The following CMIP variants were observed in gnomAD, a reference collection of about 807,000 sequenced individuals.
CMIP encodes c-Maf inducing protein, also known as C-Maf-inducing protein.
A neutral mutation model predicts 97.3 loss-of-function variants in CMIP; 13 were observed. The observed-to-expected ratio is 0.13, with a 90% CI of 0.09 to 0.21. The LOEUF (loss-of-function observed/expected upper bound fraction) is 0.21. CMIP is among the 10% of genes least tolerant of loss of function. The pLI is 1.00. For missense variants in CMIP, 847 were observed against 1,024.9 expected, an observed-to-expected ratio of 0.83 and a Z score of 2.37; for synonymous variants, 538 against 436.3, an observed-to-expected ratio of 1.23 and a Z score of -2.91.
Position 81,693,361 on chromosome 16 carries a change from C to T in CMIP, c.1482-78C>T, listed in dbSNP as rs1367574935. The T allele has an allele frequency of 2.6e-6, 4 of 1,557,386 alleles. No homozygotes were observed. In the African/African-American group the frequency reaches 4.1e-5, roughly 16 times the overall value. ...AGCTCCCTGGCCCGTTCTTCCTTGA[C>T]ACCATCCCCTCCCCTTCCCACACCT... On this transcript the variant is annotated intron_variant, in intron 12 of 20. Transcript: ENST00000537098.
chr16:81,671,946 A>G lies in CMIP; in HGVS notation c.930-20A>G. ...CCCACTCCTGCAGGCTTCTCACCCC[A>G]GCCCTCTGCTTTTTTCCAGCATGCA... On this transcript the variant is annotated intron_variant, in intron 8 of 20. Transcript: ENST00000537098. 7.0e-7 allele frequency: 1 copy of G among 1,432,148 alleles called. No individual in the cohort carries two copies. The allele number at this position is 1,432,148 out of a possible 1,614,324, so 88.7% of individuals were successfully genotyped here. A position where few individuals can be genotyped will look rare whatever the true frequency, so the allele number is the denominator to read the frequency against.
At chr16:81,543,681 A>C (rs768218350) in intron 1 of CMIP, among the ~76,000 whole-genome samples, 1 of 152,222 alleles carries the variant, frequency 6.6e-6, no homozygotes, top group Non-Finnish European at 1.5e-5. Flanking sequence ...ACAAGCTACT[A>C]TCTTAGAACA....
chr16:81,544,240 A>T (rs149061617), intron 1 of CMIP, among the ~76,000 whole-genome samples: 1 of 152,354 alleles, frequency 6.6e-6, no homozygotes, highest in African/African-American at 2.4e-5. Context: ...TCCCTTTTCA[A>T]TGTGGGTGCT....
intron 14 of CMIP, among the ~76,000 whole-genome samples, chr16:81,698,650 C>G (rs1239127536): frequency 1.3e-5 from 2 of 152,196 alleles, no homozygotes; most frequent in African/African-American, 4.8e-5. Context: ...TGTAAGCACA[C>G]CGTTCAGTCA....
Position 81,693,164 on chromosome 16 carries a change from C to T in CMIP, c.1461C>T (p.Leu487=), listed in dbSNP as rs368168220. The change falls in exon 12 of 21, where the codon CTC becomes CTT. Residue 487 remains leucine (L), a synonymous_variant. Coordinates refer to ENST00000537098, the MANE Select transcript of CMIP (RefSeq NM_198390.3). ...LQPIPFPKEA[L]AHEKFTKELK... is the part of the protein sequence containing the mutation. The stretch of plus-strand genomic sequence containing the variant: ...TCCCCTGTTTTTGTTGCAGAGCTCT[C>T]GCACATGAGAAGTTCACCAAGTGAG... 30 of 1,612,798 alleles carry T rather than the reference C, an allele frequency of 1.9e-5. No homozygotes were observed. The African/African-American group carries it at 2.9e-4, about 16-fold the overall frequency.
At position 81,701,757 on chromosome 16, in the gene CMIP, T is replaced by C; in HGVS notation, c.1853T>C (p.Met618Thr). 1 of 1,613,808 alleles carries C rather than the reference T, an allele frequency of 6.2e-7. No homozygotes were observed. ...GAGAGCACAGACGTGGGGAAGCGCATGTACGAGCAGCTGTGTGACCGGCAG... is the reference window on the plus strand; with the variant it reads ...GAGAGCACAGACGTGGGGAAGCGCACGTACGAGCAGCTGTGTGACCGGCAG... ...TLESTDVGKR[M>T]YEQLCDRQRE... Residue 618 changes from methionine (M) to threonine (T), a missense_variant, in exon 16 of 21, where the codon ATG becomes ACG. Physicochemically the swap from Met to Thr is moderately conservative, Grantham distance 81. Coordinates refer to ENST00000537098, the MANE Select transcript of CMIP (RefSeq NM_198390.3).
At chr16:81,492,122 A>G (rs2926004) in intron 1 of CMIP, among the ~76,000 whole-genome samples, 62,855 of 152,012 alleles carry the variant, frequency 0.41, 13,124 homozygotes, top group East Asian at 0.49. Context: ...AAAAATTCCC[A>G]GGAGGGAGAT....
chr16:81,474,324 T>C lies in CMIP; in HGVS notation c.300+28783T>C, dbSNP rs149476454. Among the ~76,000 whole-genome samples, 200 of 152,154 alleles carry C rather than the reference T, an allele frequency of 1.3e-3. 1 individual carries two copies. Among genetic ancestry groups the C allele is most frequent in the African/African-American group, 4.7e-3 (193 of 41,486 alleles). On this transcript the variant is annotated intron_variant, in intron 1 of 20. Coordinates refer to ENST00000537098, the MANE Select transcript of CMIP (RefSeq NM_198390.3). ...TCTCTCCCTACTGTCTCCATTCTTC[T>C]CTTTCCCCCTTCTTTCTCCTGCACC... is the stretch of plus-strand genomic sequence containing the variant.
At chr16:81,643,664 C>T (rs1419586703) in intron 3 of CMIP, among the ~76,000 whole-genome samples, 2 of 152,008 alleles carry the variant, frequency 1.3e-5, no homozygotes, top group African/African-American at 2.4e-5. Context: ...TGGTGGTGGG[C>T]GCCTATAATC....
chr16:81,474,669 G>A (rs1427385380), intron 1 of CMIP, among the ~76,000 whole-genome samples: 1 of 152,208 alleles, frequency 6.6e-6, no homozygotes, highest in Admixed American at 6.5e-5. Flanking sequence ...GGAAGTGGAG[G>A]AACCACTGTC....
At position 81,711,021 on chromosome 16, in the gene CMIP, A is replaced by AC. The variant is rs1908711292; in HGVS notation, c.*1227dup. ...CCAGTCCGACTGCCCTCCCCACCCCACCCCCGCCACCCCCCACATGTGACC... is the reference window on the plus strand; with the variant it reads ...CCAGTCCGACTGCCCTCCCCACCCCACCCCCCGCCACCCCCCACATGTGACC... On this transcript the variant is annotated 3_prime_UTR_variant, in exon 21 of 21. Transcript: ENST00000537098. 4.4e-4 allele frequency: 35 copies of AC among 79,934 alleles called. No homozygotes were observed. Among genetic ancestry groups the AC allele is most frequent in the South Asian group, 1.5e-3 (3 of 2,046 alleles). 5.0% of individuals were successfully genotyped at this position (79,934 alleles called of 1,614,324 possible). A position where few individuals can be genotyped will look rare whatever the true frequency, so the allele number is the denominator to read the frequency against.
chr16:81,451,057 A>G (rs1906177861), intron 1 of CMIP, among the ~76,000 whole-genome samples: 1 of 152,178 alleles, frequency 6.6e-6, no homozygotes, highest in Admixed American at 6.5e-5. Context: ...ACAGTAATGT[A>G]GGTAGACCCT....
chr16:81,539,354 C>T (rs2090405703), intron 1 of CMIP, among the ~76,000 whole-genome samples: 1 of 151,530 alleles, frequency 6.6e-6, no homozygotes, highest in Admixed American at 6.6e-5. Flanking sequence ...GGCAGCTGCA[C>T]AATGTCTGGC....
intron 1 of CMIP, among the ~76,000 whole-genome samples, chr16:81,513,103 C>G (rs1186984517): frequency 6.6e-6 from 1 of 152,190 alleles, no homozygotes; most frequent in African/African-American, 2.4e-5. Context: ...CCATTTTTGG[C>G]TGGTGGGAGC....
chr16:81,457,639 G>A (rs1906637263), intron 1 of CMIP, among the ~76,000 whole-genome samples: 1 of 152,226 alleles, frequency 6.6e-6, no homozygotes, highest in Admixed American at 6.5e-5. Flanking sequence ...GAGAACTGCT[G>A]TGTTCATTCA....
chr16:81,709,724 G>T (rs778978601), intron 20 of CMIP, 22 bp from the exon 21 acceptor site: 1 of 1,613,700 alleles, frequency 6.2e-7, no homozygotes, highest in Non-Finnish European at 8.5e-7. Flanking sequence ...CACGTGACAA[G>T]GACTCTTATT....
At chr16:81,524,334 G>T (rs58915321) in intron 1 of CMIP, among the ~76,000 whole-genome samples, 2 of 152,178 alleles carry the variant, frequency 1.3e-5, no homozygotes, top group South Asian at 4.1e-4. Context: ...GAGCTTAGAG[G>T]GGCAGAGACT....
chr16:81,670,620 T>TTG (rs2092673860), intron 8 of CMIP, among the ~76,000 whole-genome samples: 2 of 98,350 alleles, frequency 2.0e-5, no homozygotes, highest in Non-Finnish European at 1.9e-5. Context: ...GGGTTTTTTT[T>TTG]GGGGGGGGGG....
At chr16:81,635,432 G>A (rs1399028927) in intron 3 of CMIP, among the ~76,000 whole-genome samples, 1 of 152,074 alleles carries the variant, frequency 6.6e-6, no homozygotes, top group East Asian at 1.9e-4. Context: ...CCTTGAAGTG[G>A]CTTAGAAAAG....
Sources: allele counts gnomAD v4.1 joint callset (sites outside exome capture counted in the v4.1 genomes callset), GRCh38; gene constraint gnomAD v4.1.1; transcripts MANE v1.5; gene names NCBI Gene and HGNC (gene_info 2026-07-23, HGNC 2026-07-21).